Variants in NLGN4X observed in about 807,000 individuals in gnomAD.
The protein encoded by NLGN4X is neuroligin-4, X-linked.
A neutral mutation model predicts 40.3 loss-of-function variants in NLGN4X; 3 were observed. The observed-to-expected ratio is 0.07, with a 90% CI of 0.03 to 0.19. The LOEUF (loss-of-function observed/expected upper bound fraction) is 0.19. Ranked by LOEUF, NLGN4X falls within the 10% of genes least tolerant of loss-of-function variation. The pLI is 1.00. For missense variants in NLGN4X, 382 were observed against 708.3 expected, an observed-to-expected ratio of 0.54 and a Z score of 5.23; for synonymous variants, 270 against 306.8, an observed-to-expected ratio of 0.88 and a Z score of 1.25.
At chrX:5,896,134 C>A (rs1000858984) in intron 5 of NLGN4X, among the ~76,000 whole-genome samples, 2 of 111,676 alleles carry the variant, frequency 1.8e-5, no homozygotes, top group Non-Finnish European at 3.8e-5. Flanking sequence ...AAGCAGTGAG[C>A]ATCTAGGAAA....
chrX:6,171,964 C>CCTCT (rs1198846410), intron 1 of NLGN4X, among the ~76,000 whole-genome samples: 1 of 110,436 alleles, frequency 9.1e-6, no homozygotes, highest in Non-Finnish European at 1.9e-5. Flanking sequence ...TGTAGCACGT[C>CCTCT]CTCTCTCTCT....
chrX:5,966,457 TCA>T (rs1418213469), intron 3 of NLGN4X, among the ~76,000 whole-genome samples: 4 of 112,694 alleles, frequency 3.5e-5, no homozygotes, highest in Non-Finnish European at 3.8e-5. Context: ...ACATGAGAAT[TCA>T]CAGAGTGTGA....
At chrX:6,146,159 G>A (rs1208505434) in intron 2 of NLGN4X, among the ~76,000 whole-genome samples, 1 of 110,017 alleles carries the variant, frequency 9.1e-6, no homozygotes, top group African/African-American at 3.3e-5. Flanking sequence ...ATATGGCACT[G>A]CCAGAAACAG....
rs1460301214 is a variant in NLGN4X, at chrX:5,929,749, A to G, written c.626-20510T>C. On this transcript the variant is annotated intron_variant, in intron 3 of 5. Coordinates refer to ENST00000381095, the MANE Select transcript of NLGN4X (RefSeq NM_181332.3). ...CCCTATGACAAAAGACAGATTAAGC[A>G]AAGAGTGCACTTCATTTAATAACAG... Among the ~76,000 whole-genome samples the G allele has an allele frequency of 8.0e-5, 9 of 112,441 alleles. No homozygotes were observed. The East Asian group carries it at 2.5e-3, about 32-fold the overall frequency.
chrX:6,055,127 G>C (rs1182043369), intron 2 of NLGN4X, among the ~76,000 whole-genome samples: 1 of 111,694 alleles, frequency 9.0e-6, no homozygotes, highest in African/African-American at 3.3e-5. Context: ...AGCTGTCTCA[G>C]GTAAACACAT....
chrX:6,074,552 C>G (rs2038147509), intron 2 of NLGN4X, among the ~76,000 whole-genome samples: 1 of 112,017 alleles, frequency 8.9e-6, no homozygotes, highest in Admixed American at 9.5e-5. Flanking sequence ...GTCAGATTAT[C>G]TTGCAGCAGG....
intron 3 of NLGN4X, among the ~76,000 whole-genome samples, chrX:5,988,704 C>G (rs1444913011): frequency 8.9e-6 from 1 of 112,392 alleles, no homozygotes; most frequent in African/African-American, 3.2e-5. Context: ...CATGGCAAGT[C>G]CATTTGGAAA....
chrX:6,029,822 T>C (rs1451336920), intron 2 of NLGN4X, among the ~76,000 whole-genome samples: 1 of 111,769 alleles, frequency 8.9e-6, no homozygotes, highest in African/African-American at 3.2e-5. Flanking sequence ...TCTAATTAAG[T>C]ATAAAATCAA....
At chrX:6,156,289 C>G (rs2147721053) in intron 1 of NLGN4X, among the ~76,000 whole-genome samples, 1 of 112,084 alleles carries the variant, frequency 8.9e-6, no homozygotes, top group African/African-American at 3.2e-5. Flanking sequence ...GCAGGTGGAT[C>G]ACGAGGTCAG....
intron 3 of NLGN4X, among the ~76,000 whole-genome samples, chrX:5,950,833 G>C (rs1390168548): frequency 9.0e-6 from 1 of 111,531 alleles, no homozygotes; most frequent in Non-Finnish European, 1.9e-5. Context: ...GAAGCGGCTG[G>C]AATATATTCC....
chrX:6,041,347 G>A (rs191319864), intron 2 of NLGN4X, among the ~76,000 whole-genome samples: 98 of 111,783 alleles, frequency 8.8e-4, no homozygotes, highest in Non-Finnish European at 1.5e-3. Context: ...TGAGATGCTC[G>A]GCTTTGAGAT....
intron 2 of NLGN4X, among the ~76,000 whole-genome samples, chrX:6,132,050 T>C (rs2039691294): frequency 9.0e-6 from 1 of 111,637 alleles, no homozygotes; most frequent in Non-Finnish European, 1.9e-5. Context: ...TCTTCCCACA[T>C]TGCCAAATGT....
At chrX:6,219,617 G>C (rs1354133426) in intron 1 of NLGN4X, among the ~76,000 whole-genome samples, 2 of 81,290 alleles carry the variant, frequency 2.5e-5, no homozygotes, top group African/African-American at 4.8e-5. Context: ...TCCTCCCTTC[G>C]TTCCTCCATC....
intron 2 of NLGN4X, among the ~76,000 whole-genome samples, chrX:6,030,600 A>G (rs1035310924): frequency 1.8e-5 from 2 of 110,704 alleles, no homozygotes; most frequent in Admixed American, 1.9e-4. Context: ...TCCAATTTGA[A>G]TGAATTATGA....
chrX:6,183,291 T>A (rs1466675294), intron 1 of NLGN4X, among the ~76,000 whole-genome samples: 4 of 112,403 alleles, frequency 3.6e-5, no homozygotes, highest in African/African-American at 1.3e-4. Context: ...CTCACGCCTC[T>A]AATCCCAGCA....
chrX:6,209,985 G>A (rs766814900), intron 1 of NLGN4X, among the ~76,000 whole-genome samples: 5 of 111,528 alleles, frequency 4.5e-5, no homozygotes, highest in Non-Finnish European at 9.4e-5. Context: ...CCAGTAGCTG[G>A]GATTACAGGA....
chrX:6,082,376 A>AAG (rs1410057221), intron 2 of NLGN4X, among the ~76,000 whole-genome samples: 1 of 108,741 alleles, frequency 9.2e-6, no homozygotes, highest in African/African-American at 3.4e-5. Context: ...TCTCCACAAA[A>AAG]AAAAAAATAC....
chrX:6,017,034 C>G (rs1465147059), intron 3 of NLGN4X, among the ~76,000 whole-genome samples: 1 of 111,477 alleles, frequency 9.0e-6, no homozygotes, highest in Non-Finnish European at 1.9e-5. Flanking sequence ...GATGGTGTTG[C>G]TGGTGTCACA....
At chrX:6,079,180 C>T (rs914809326) in intron 2 of NLGN4X, among the ~76,000 whole-genome samples, 5 of 111,407 alleles carry the variant, frequency 4.5e-5, no homozygotes, top group Non-Finnish European at 9.4e-5. Context: ...AGGCAGGCAA[C>T]GGGAATTGGG....
Sources: allele counts gnomAD v4.1 joint callset (sites outside exome capture counted in the v4.1 genomes callset), GRCh38; gene constraint gnomAD v4.1.1; transcripts MANE v1.5; gene names NCBI Gene and HGNC (gene_info 2026-07-23, HGNC 2026-07-21).